The following TUSC3 variants were observed in gnomAD, a reference collection of about 807,000 sequenced individuals.
TUSC3 encodes the protein dolichyl-diphosphooligosaccharide--protein glycosyltransferase subunit TUSC3.
A neutral mutation model predicts 44.8 loss-of-function variants in TUSC3; 45 were observed. That is an observed-to-expected ratio of 1.00 (90% CI 0.79 to 1.29). The LOEUF (loss-of-function observed/expected upper bound fraction) is 1.29. Ranked by LOEUF, TUSC3 falls within the 50% of genes most tolerant of loss-of-function variation. The pLI, the probability that TUSC3 is intolerant of heterozygous loss-of-function variation, is 0.00. For synonymous variants in TUSC3, 212 were observed against 152.9 expected, an observed-to-expected ratio of 1.39 and a Z score of -2.85; for missense variants, 519 against 437.9, an observed-to-expected ratio of 1.19 and a Z score of -1.65.
chr8:15,563,511 C>T (rs573599744), intron 1 of TUSC3, among the ~76,000 whole-genome samples: 2 of 151,918 alleles, frequency 1.3e-5, no homozygotes, highest in African/African-American at 2.4e-5. Flanking sequence ...TATGGTGAAA[C>T]CCTGTCTCTG....
At chr8:15,568,878 A>T (rs796617337) in intron 1 of TUSC3, among the ~76,000 whole-genome samples, 3 of 150,984 alleles carry the variant, frequency 2.0e-5, no homozygotes, top group South Asian at 2.1e-4. Flanking sequence ...ATTATCATTT[A>T]TTTTTTTTTC....
At position 15,513,604 on chromosome 8, in the gene TUSC3, G is replaced by C. The variant is rs1301865603; in HGVS notation, n.189+30121G>C. ...AGAATCTTGATGCTGTCTTAGTGAC[G>C]GTAGATTTAATGGTGGTCAAGTGCT... On this transcript the variant is annotated intron_variant and non_coding_transcript_variant, in intron 2 of 5. Transcript: ENST00000503191. Among the ~76,000 whole-genome samples the C allele has an allele frequency of 4.6e-5, 7 of 152,184 alleles. No individual in the cohort carries two copies. In the East Asian group the frequency reaches 1.2e-3, roughly 25 times the overall value.
the TUSC3 span, among the ~76,000 whole-genome samples, chr8:15,817,977 GA>G: frequency 7.2e-5 from 11 of 152,052 alleles, no homozygotes; most frequent in African/African-American, 2.4e-4. Context: ...TCTAGGAATG[GA>G]AAAAAGGAGG....
chr8:15,536,037 T>C (rs1007135914), upstream of TUSC3, among the ~76,000 whole-genome samples: 1 of 152,212 alleles, frequency 6.6e-6, no homozygotes, highest in East Asian at 1.9e-4. Flanking sequence ...TGTTTGTAAC[T>C]GTATTTTATA....
intron 1 of TUSC3, among the ~76,000 whole-genome samples, chr8:15,474,004 C>T (rs779109070): frequency 1.3e-5 from 2 of 152,042 alleles, no homozygotes; most frequent in Non-Finnish European, 2.9e-5. Context: ...CACTTAAGAC[C>T]GGCACTCCCA....
At chr8:15,638,024 A>G (rs1157398296) in intron 2 of TUSC3, among the ~76,000 whole-genome samples, 2 of 152,138 alleles carry the variant, frequency 1.3e-5, no homozygotes, top group Non-Finnish European at 2.9e-5. Context: ...TAAGACTGCC[A>G]TGTTTGTTCC....
chr8:15,530,582 G>GTCTTA (rs1216305299), intron 2 of TUSC3, among the ~76,000 whole-genome samples: 1 of 152,090 alleles, frequency 6.6e-6, no homozygotes, highest in Non-Finnish European at 1.5e-5. Flanking sequence ...TGCAGCTCCA[G>GTCTTA]GGCTCATGCT....
chr8:15,421,154 TCTTCCTTATAGTTAA>T (rs111499134), intron 1 of TUSC3, among the ~76,000 whole-genome samples: 17,915 of 151,998 alleles, frequency 0.12, 1,126 homozygotes, highest in African/African-American at 0.17. Flanking sequence ...CCATTCATAT[TCTTCCTTATAGTTAA>T]CTTCCTTATA....
chr8:15,825,551 G>A, the TUSC3 span, among the ~76,000 whole-genome samples: 3 of 152,086 alleles, frequency 2.0e-5, no homozygotes, highest in Admixed American at 6.6e-5. Flanking sequence ...TGAGATTTGG[G>A]TGAGGAACAG....
intron 6 of TUSC3, among the ~76,000 whole-genome samples, chr8:15,684,942 G>C (rs895733330): frequency 2.0e-5 from 3 of 152,188 alleles, no homozygotes; most frequent in African/African-American, 7.2e-5. Context: ...GCAGGCTTAG[G>C]AGGGGCCACG....
At chr8:15,616,801 G>A (rs1307699270) in intron 1 of TUSC3, among the ~76,000 whole-genome samples, 1 of 152,132 alleles carries the variant, frequency 6.6e-6, no homozygotes, top group African/African-American at 2.4e-5. Flanking sequence ...GTTTTTGGGT[G>A]CCGCTGCGTT....
chr8:15,673,320 G>A (rs1251775243), intron 5 of TUSC3, among the ~76,000 whole-genome samples: 1 of 152,062 alleles, frequency 6.6e-6, no homozygotes, highest in Non-Finnish European at 1.5e-5. Context: ...ATCCAAGAAT[G>A]TAGGGTTTTG....
chr8:15,515,621 A>T (rs1281335485), intron 2 of TUSC3, among the ~76,000 whole-genome samples: 2 of 152,046 alleles, frequency 1.3e-5, no homozygotes, highest in African/African-American at 4.8e-5. Flanking sequence ...TTCTGATGGA[A>T]ATATTTATAC....
chr8:15,666,316 A>G, intron 5 of TUSC3, among the ~76,000 whole-genome samples: 1 of 151,558 alleles, frequency 6.6e-6, no homozygotes. Context: ...AAAATAATGT[A>G]ATAACCCAAC....
intron 1 of TUSC3, among the ~76,000 whole-genome samples, chr8:15,438,137 C>G (rs1048584483): frequency 5.9e-5 from 9 of 152,232 alleles, no homozygotes; most frequent in Middle Eastern, 3.4e-3. Context: ...ACTCGTTACC[C>G]AGGCTGGAGT....
the TUSC3 span, among the ~76,000 whole-genome samples, chr8:15,848,199 T>C: frequency 6.6e-6 from 1 of 152,166 alleles, no homozygotes; most frequent in African/African-American, 2.4e-5. Flanking sequence ...ACCTCAGCTG[T>C]CATGGATCAA....
At chr8:15,440,275 G>A (rs1800003474) in intron 1 of TUSC3, among the ~76,000 whole-genome samples, 1 of 152,092 alleles carries the variant, frequency 6.6e-6, no homozygotes, top group Non-Finnish European at 1.5e-5. Flanking sequence ...AGTCCCTGTG[G>A]CCATTGGGAG....
intron 5 of TUSC3, among the ~76,000 whole-genome samples, chr8:15,664,383 G>A (rs1249750043): frequency 4.0e-5 from 6 of 151,102 alleles, no homozygotes; most frequent in South Asian, 2.1e-4. Context: ...ATGTATAGAT[G>A]TTAAATACTT....
intron 1 of TUSC3, among the ~76,000 whole-genome samples, chr8:15,578,828 C>A (rs542561202): frequency 3.9e-5 from 6 of 152,202 alleles, no homozygotes; most frequent in African/African-American, 1.4e-4. Flanking sequence ...TGCTGGCCCT[C>A]ATAAAATGAG....
Sources: gnomAD v4.1 joint callset for allele counts (sites outside exome capture counted in the v4.1 genomes callset) on GRCh38, gnomAD v4.1.1 for gene constraint, MANE v1.5 for transcripts, NCBI Gene and HGNC (gene_info 2026-07-23, HGNC 2026-07-21) for gene names.